Variants in HNF1B observed in about 807,000 individuals in gnomAD.
HNF1B encodes the protein hepatocyte nuclear factor 1-beta.
A neutral mutation model predicts 61.7 loss-of-function variants in HNF1B; 8 were observed. That is an observed-to-expected ratio of 0.13 (90% confidence interval 0.08 to 0.23). The LOEUF (loss-of-function observed/expected upper bound fraction) is 0.23, where lower values mean the gene tolerates loss of function less well. Ranked by LOEUF, HNF1B falls within the 10% of genes least tolerant of loss-of-function variation. The probability of loss-of-function intolerance (pLI) is 1.00; values close to 1 mark genes in which losing one functional copy is unlikely to be tolerated. For missense variants in HNF1B, 562 were observed against 714.5 expected, an observed-to-expected ratio of 0.79 and a Z score of 2.43; for synonymous variants, 314 against 287.7, an observed-to-expected ratio of 1.09 and a Z score of -0.93.
chr17:37,697,605 A>C (rs2032427874), intron 8 of HNF1B, among the ~76,000 whole-genome samples: 3 of 152,228 alleles, frequency 2.0e-5, no homozygotes, highest in Admixed American at 1.3e-4. Flanking sequence ...AAACCTTTCA[A>C]AGGGGAAGGT....
chr17:37,731,386 C>T, intron 4 of HNF1B: 1 of 678,872 alleles, frequency 1.5e-6, no homozygotes, highest in South Asian at 1.6e-5. Context: ...CGAGTGAGCC[C>T]TCACAGGGCA....
In HNF1B at chr17:37,698,027, G is replaced by C. The variant is rs114138768; in HGVS notation, c.1653+1049C>G. 6.3e-3 allele frequency among the ~76,000 whole-genome samples: 912 copies of C among 145,706 alleles called. 8 individuals are homozygous for C. The highest frequency in any genetic ancestry group is 0.021 in the African/African-American group (853 of 40,944). On this transcript the variant is annotated intron_variant, in intron 8 of 8. Transcript: ENST00000617811. ...CCCACCTGCTCCACTGCACTCTAGG[G>C]CTGGAAGGAGATCGGGGCAAAGGAA...
chr17:37,726,513 CT>C (rs1418751364), intron 4 of HNF1B, among the ~76,000 whole-genome samples: 1 of 152,168 alleles, frequency 6.6e-6, no homozygotes, highest in African/African-American at 2.4e-5. Flanking sequence ...TGGAGATTTC[CT>C]CGTGTCCTGC....
chr17:37,743,750 G>C (rs944717594), intron 1 of HNF1B, among the ~76,000 whole-genome samples: 1 of 152,258 alleles, frequency 6.6e-6, no homozygotes. Flanking sequence ...TACACTGCCA[G>C]CCGGCCTGAA....
chr17:37,743,353 G>C (rs2034059686), intron 1 of HNF1B, among the ~76,000 whole-genome samples: 1 of 152,254 alleles, frequency 6.6e-6, no homozygotes, highest in South Asian at 2.1e-4. Context: ...TCTCCCGGTA[G>C]GGGAGAAATC....
intron 8 of HNF1B, among the ~76,000 whole-genome samples, chr17:37,691,090 C>G (rs1285343494): frequency 1.3e-5 from 2 of 151,990 alleles, no homozygotes; most frequent in South Asian, 4.1e-4. Context: ...ATCCCAAACT[C>G]CCATGGAAAA....
intron 8 of HNF1B, among the ~76,000 whole-genome samples, chr17:37,696,186 T>G (rs12452659): frequency 0.29 from 43,980 of 152,022 alleles, 6,741 homozygotes; most frequent in Admixed American, 0.36. Flanking sequence ...GGCTCACACC[T>G]GTAATCCCAG....
At chr17:37,731,403 G>A (rs1219320879) in intron 4 of HNF1B, 192 bp downstream of exon 4, 5 of 693,306 alleles carry the variant, frequency 7.2e-6, no homozygotes, top group Non-Finnish European at 1.3e-5. Context: ...GGCAATGGCT[G>A]AACCAGGAGT....
intron 5 of HNF1B, 23 bp downstream of exon 5, chr17:37,710,480 G>A (rs758951957): frequency 4.5e-5 from 72 of 1,613,794 alleles, no homozygotes; most frequent in Non-Finnish European, 5.8e-5. Context: ...GCTCCAGAGC[G>A]ACAATGGCCC....
rs2034125548 is a variant in HNF1B, at chr17:37,744,833, T to G, written c.52A>C (p.Ser18Arg). The change falls in exon 1 of 9, where the codon AGC becomes CGC. Residue 18 changes from serine to arginine, a missense_variant. Coordinates refer to ENST00000617811, the MANE Select transcript of HNF1B (RefSeq NM_000458.4). ...LQQELLSALL[S>R]SGVTKEVLVQ... ...AGCACCTCCTTGGTGACCCCGGAGC[T>G]CAGCAGGGCGCTCAGGAGTTCTTGC... is the stretch of plus-strand genomic sequence containing the variant. 1.2e-6 allele frequency: 2 copies of G among 1,602,988 alleles called. No individual in the cohort carries two copies. The highest frequency in any genetic ancestry group is 1.7e-6 in the Non-Finnish European group (2 of 1,175,318).
chr17:37,736,696 G>C (rs2033843627), intron 2 of HNF1B, among the ~76,000 whole-genome samples: 1 of 152,210 alleles, frequency 6.6e-6, no homozygotes, highest in African/African-American at 2.4e-5. Context: ...CACTCTCGCA[G>C]CTGCTCCCCA....
chr17:37,726,347 A>C (rs1207923702), intron 4 of HNF1B, among the ~76,000 whole-genome samples: 3 of 152,216 alleles, frequency 2.0e-5, no homozygotes, highest in Non-Finnish European at 4.4e-5. Flanking sequence ...TGAAGATGAC[A>C]CTAGAGATGG....
chr17:37,703,206 C>T (rs2032628400), intron 6 of HNF1B, among the ~76,000 whole-genome samples: 1 of 152,234 alleles, frequency 6.6e-6, no homozygotes, highest in African/African-American at 2.4e-5. Flanking sequence ...TGATTCTCAC[C>T]ATTTCTCATG....
At chr17:37,718,314 A>T (rs2033192395) in intron 4 of HNF1B, among the ~76,000 whole-genome samples, 1 of 152,146 alleles carries the variant, frequency 6.6e-6, no homozygotes, top group Non-Finnish European at 1.5e-5. Flanking sequence ...CCTCATCCTT[A>T]CTAGAGTGGC....
intron 6 of HNF1B, 113 bp downstream of exon 6, chr17:37,704,804 T>C: frequency 8.4e-7 from 1 of 1,185,436 alleles, no homozygotes; most frequent in Non-Finnish European, 1.3e-6. Context: ...AAACCAAATC[T>C]ACTAGTCGTG....
chr17:37,718,546 AG>A (rs1276635638), intron 4 of HNF1B, among the ~76,000 whole-genome samples: 2 of 152,146 alleles, frequency 1.3e-5, no homozygotes, highest in Non-Finnish European at 2.9e-5. Flanking sequence ...GCTCCTTGCT[AG>A]GGGGTCTCCC....
intron 4 of HNF1B, among the ~76,000 whole-genome samples, chr17:37,720,361 G>A (rs1312169166): frequency 6.6e-6 from 1 of 152,094 alleles, no homozygotes; most frequent in African/African-American, 2.4e-5. Context: ...AGAACATTAG[G>A]GAGAAACTCA....
chr17:37,693,464 G>T (rs951640568), intron 8 of HNF1B, among the ~76,000 whole-genome samples: 1 of 152,164 alleles, frequency 6.6e-6, no homozygotes, highest in South Asian at 2.1e-4. Context: ...GTCTGCTGGC[G>T]TTTCCTACCA....
chr17:37,723,862 C>T (rs2033405996), intron 4 of HNF1B, among the ~76,000 whole-genome samples: 1 of 152,144 alleles, frequency 6.6e-6, no homozygotes, highest in South Asian at 2.1e-4. Flanking sequence ...TTAATTCTTC[C>T]AGCATCTGCA....
Sources: gnomAD v4.1 joint callset for allele counts (sites outside exome capture counted in the v4.1 genomes callset) on GRCh38, gnomAD v4.1.1 for gene constraint, MANE v1.5 for transcripts, NCBI Gene and HGNC (gene_info 2026-07-23, HGNC 2026-07-21) for gene names.